The following SH3TC1 variants were observed in gnomAD, a reference collection of about 807,000 sequenced individuals.
SH3TC1 encodes the protein SH3 domain and tetratricopeptide repeat-containing protein 1.
A neutral mutation model predicts 117.3 loss-of-function variants in SH3TC1; 135 were observed. The observed-to-expected ratio is 1.15, with a 90% CI of 1.00 to 1.33. The LOEUF (loss-of-function observed/expected upper bound fraction) is 1.33, where lower values mean the gene tolerates loss of function less well. Ranked by LOEUF, SH3TC1 falls within the 40% of genes most tolerant of loss-of-function variation. The pLI is 0.00. For missense variants in SH3TC1, 2,092 were observed against 1,794.3 expected (o/e 1.17, Z -3.00); for synonymous variants, 898 against 816.9 (o/e 1.10, Z -1.69).
chr4:8,215,670 A>C (rs1719190077), intron 5 of SH3TC1, among the ~76,000 whole-genome samples: 1 of 151,908 alleles, frequency 6.6e-6, no homozygotes, highest in Admixed American at 6.6e-5. Flanking sequence ...GAGAGGGGGG[A>C]GCTCGCAGCA....
At chr4:8,235,641 C>T (rs528624816) in intron 15 of SH3TC1, 86 bp downstream of exon 15, 35 of 1,445,736 alleles carry the variant, frequency 2.4e-5, no homozygotes, top group African/African-American at 1.0e-4. Context: ...GCAGAGCCCT[C>T]GCACCTGGAG....
At position 8,228,423 on chromosome 4, in the gene SH3TC1, G is replaced by C. The variant is rs1720774237; in HGVS notation, c.2729G>C (p.Gly910Ala). Reference sequence around the variant, plus strand: ...CAGGCAGTGGGGCTGGCCAACTTCGGGGCCCTGTGCCTGCATGCGGGTGCC... The same window carrying C: ...CAGGCAGTGGGGCTGGCCAACTTCGCGGCCCTGTGCCTGCATGCGGGTGCC... ...RNQAVGLANF[G>A]ALCLHAGASR... The change falls in exon 12 of 18, where the codon GGG becomes GCG. Residue 910 changes from glycine to alanine, a missense_variant. Transcript: ENST00000245105. 1 of 1,605,954 alleles carries C rather than the reference G, an allele frequency of 6.2e-7. No homozygotes were observed.
intron 12 of SH3TC1, among the ~76,000 whole-genome samples, chr4:8,229,477 GGTGAGCAGGGGGTGA>G (rs1478251427): frequency 9.2e-6 from 1 of 108,972 alleles, no homozygotes; most frequent in Non-Finnish European, 1.9e-5. Context: ...GTGTGATGGG[GGTGAGCAGGGGGTGA>G]GTGAGCGGGG....
upstream of SH3TC1, among the ~76,000 whole-genome samples, chr4:8,195,392 C>T (rs1280876344): frequency 1.3e-5 from 2 of 152,138 alleles, no homozygotes; most frequent in Non-Finnish European, 2.9e-5. Context: ...TGCTTCTGCC[C>T]CAGTGTCTGC....
chr4:8,231,970 G>T lies in SH3TC1; in HGVS notation c.2951-6G>T. On this transcript the variant is annotated splice_region_variant and splice_polypyrimidine_tract_variant and intron_variant, in intron 12 of 17. Coordinates refer to ENST00000245105, the MANE Select transcript of SH3TC1 (RefSeq NM_018986.5). ...GCTGACGTCTTCCTTTTTGTCTTCT[G>T]CCCAGGCCAGCTGCGGGCCGTCCAG... The T allele has an allele frequency of 6.2e-7, 1 of 1,610,032 alleles. No individual in the cohort carries two copies.
chr4:8,240,574 G>A lies in SH3TC1; in HGVS notation c.3754-124G>A, dbSNP rs188983096. 577 of 1,480,316 alleles carry A rather than the reference G, an allele frequency of 3.9e-4. 2 individuals carry two copies. Among genetic ancestry groups the A allele is most frequent in the Middle Eastern group, 3.1e-3 (13 of 4,248 alleles). 91.7% of individuals were successfully genotyped at this position (1,480,316 alleles called of 1,614,324 possible). On this transcript the variant is annotated intron_variant, in intron 17 of 17. Transcript: ENST00000245105. ...AGCTGAGCCCACAGCAGTGTCACAG[G>A]CTTCGGGGCTCATGGGGTGAGCCAG...
At chr4:8,228,939 C>G (rs1218963892) in intron 12 of SH3TC1, among the ~76,000 whole-genome samples, 1 of 152,168 alleles carries the variant, frequency 6.6e-6, no homozygotes, top group Non-Finnish European at 1.5e-5. Context: ...GGCGGTGGGT[C>G]ACCCTAGACA....
intron 13 of SH3TC1, chr4:8,232,513 C>T (rs1174149888): frequency 1.4e-6 from 2 of 1,390,570 alleles, no homozygotes; most frequent in Non-Finnish European, 1.9e-6. Flanking sequence ...TCACTCCTGG[C>T]CTTCACCTGT....
rs1717442198 is a variant in SH3TC1, at chr4:8,192,335, G to A, written c.-57+10125G>A. Among the ~76,000 whole-genome samples the A allele has an allele frequency of 6.6e-6, 1 of 151,668 alleles. No homozygotes were observed. The highest frequency in any genetic ancestry group is 6.6e-5 in the Admixed American group (1 of 15,238). ...AAATGAAAGGGCCACGGAATCACCAGGAACTCTCCTTCCTGTGACCTTGGG... is the reference window on the plus strand; with the variant it reads ...AAATGAAAGGGCCACGGAATCACCAAGAACTCTCCTTCCTGTGACCTTGGG... On this transcript the variant is annotated intron_variant, in intron 1 of 16. Transcript: ENST00000508641. The surrounding 1 kb of genome is among the most constrained non-coding windows in gnomAD (Gnocchi z 4.1).
At chr4:8,207,600 C>T (rs1256940879) in intron 2 of SH3TC1, among the ~76,000 whole-genome samples, 2 of 152,182 alleles carry the variant, frequency 1.3e-5, no homozygotes, top group East Asian at 1.9e-4. Flanking sequence ...AGAGCTGTCC[C>T]GCTCCCCAGT....
In SH3TC1 at chr4:8,229,511, G is replaced by A. The variant is rs567266634; in HGVS notation, c.2950+867G>A. Among the ~76,000 whole-genome samples the A allele has an allele frequency of 3.7e-4, 52 of 139,688 alleles. 1 individual carries two copies. Among genetic ancestry groups the A allele is most frequent in the Middle Eastern group, 3.6e-3 (1 of 276 alleles). The allele number at this position is 139,688 out of a possible 152,430, so 91.6% of individuals were successfully genotyped here. ...GGGGTGAGTGAGCGGGGGTGTGAGC[G>A]GGTGAGCGGGGATGAGTGGGGTGTA... On this transcript the variant is annotated intron_variant, in intron 12 of 17. Transcript: ENST00000245105.
At chr4:8,189,410 C>T (rs999544726) in intron 1 of SH3TC1, among the ~76,000 whole-genome samples, 12 of 152,158 alleles carry the variant, frequency 7.9e-5, no homozygotes, top group Non-Finnish European at 1.5e-4. Flanking sequence ...GGCCGGCGGC[C>T]GGGGTAGGCC....
At chr4:8,189,476 A>G (rs1475963623) in intron 1 of SH3TC1, among the ~76,000 whole-genome samples, 3 of 152,188 alleles carry the variant, frequency 2.0e-5, no homozygotes, top group Non-Finnish European at 2.9e-5. Flanking sequence ...GGTGCCAGGA[A>G]GGAGTGGTGT....
At chr4:8,202,975 G>A (rs963679042) in intron 1 of SH3TC1, among the ~76,000 whole-genome samples, 1 of 152,212 alleles carries the variant, frequency 6.6e-6, no homozygotes, top group Non-Finnish European at 1.5e-5. Flanking sequence ...GGCCTGGGAG[G>A]CCAGTTCTCA....
At chr4:8,235,237 C>A (rs57786617) in intron 14 of SH3TC1, among the ~76,000 whole-genome samples, 196 bp from the exon 15 acceptor site, 5,166 of 152,328 alleles carry the variant, frequency 0.034, 324 homozygotes, top group African/African-American at 0.12. Context: ...TGCACAGTCA[C>A]CTCCTGGCAC....
intron 17 of SH3TC1, 140 bp downstream of exon 17, chr4:8,237,810 A>G: frequency 1.0e-6 from 1 of 958,796 alleles, no homozygotes. Flanking sequence ...CGGCTGGAGG[A>G]GCTGGCAAGG....
At chr4:8,182,727 T>C (rs1232423197) in intron 1 of SH3TC1, among the ~76,000 whole-genome samples, 2 of 152,194 alleles carry the variant, frequency 1.3e-5, no homozygotes, top group Non-Finnish European at 2.9e-5. Context: ...AGTGCAATGC[T>C]GGTGACCCTG....
intron 14 of SH3TC1, 117 bp from the exon 15 acceptor site, chr4:8,235,316 G>T: frequency 1.6e-6 from 2 of 1,276,054 alleles, no homozygotes; most frequent in Non-Finnish European, 2.0e-6. Flanking sequence ...GTCTGAAAAA[G>T]GCTCAGTTGC....
chr4:8,218,658 C>T (rs768019764), intron 8 of SH3TC1, among the ~76,000 whole-genome samples: 13 of 152,360 alleles, frequency 8.5e-5, no homozygotes, highest in East Asian at 3.9e-4. Context: ...AGCTCCCAAA[C>T]GCCACTTCTC....
Sources: gnomAD v4.1 joint callset for allele counts (sites outside exome capture counted in the v4.1 genomes callset) on GRCh38, gnomAD v4.1.1 for gene constraint, Gnocchi (gnomAD v3.1) non-coding constraint, MANE v1.5 for transcripts, NCBI Gene and HGNC (gene_info 2026-07-23, HGNC 2026-07-21) for gene names.